The following PLEKHG2 variants were observed in gnomAD, a reference collection of about 807,000 sequenced individuals.
The protein encoded by PLEKHG2 is pleckstrin homology and RhoGEF domain containing G2.
PLEKHG2 carries 71 observed loss-of-function variants against 104.4 expected under a neutral mutation model. The ratio of observed to expected loss-of-function variants is 0.68; its 90% CI spans 0.56 to 0.83. The LOEUF is 0.83. Ranked by LOEUF, PLEKHG2 falls within the 40% of genes least tolerant of loss-of-function variation. The pLI, the probability that PLEKHG2 is intolerant of heterozygous loss-of-function variation, is 0.00. For synonymous variants in PLEKHG2, 728 were observed against 737.0 expected, an observed-to-expected ratio of 0.99 and a Z score of 0.20; for missense variants, 1,730 against 1,809.4, an observed-to-expected ratio of 0.96 and a Z score of 0.80.
chr19:39,418,234 A>G (rs1188077348), intron 9 of PLEKHG2, 129 bp downstream of exon 9: 1 of 817,704 alleles, frequency 1.2e-6, no homozygotes. Flanking sequence ...AATGGAAGCC[A>G]AGGGAAGCTT....
chr19:39,414,053 C>T lies in PLEKHG2; in HGVS notation c.-22-12C>T, dbSNP rs961962042. 1 of 1,532,438 alleles carries T rather than the reference C, an allele frequency of 6.5e-7. No individual in the cohort carries two copies. The highest frequency in any genetic ancestry group is 1.2e-5 in the South Asian group (1 of 83,558). The allele number at this position is 1,532,438 out of a possible 1,614,324, so 94.9% of individuals were successfully genotyped here. ...TGGGGTCCTGATATCCAAGAAGGGG[C>T]TCTTTCTGCAGGACTCTGCTGGGCC... On this transcript the variant is annotated splice_polypyrimidine_tract_variant and intron_variant, in intron 1 of 18. Coordinates refer to ENST00000425673, the MANE Select transcript of PLEKHG2 (RefSeq NM_022835.3).
intron 11 of PLEKHG2, 72 bp downstream of exon 11, chr19:39,419,075 C>A: frequency 1.5e-6 from 2 of 1,349,586 alleles, no homozygotes; most frequent in Non-Finnish European, 2.0e-6. Flanking sequence ...CTAAGAGACG[C>A]CCCTGCCCAA....
At position 39,423,519 on chromosome 19, in the gene PLEKHG2, G is replaced by A. The variant is rs147184413; in HGVS notation, c.2465G>A (p.Arg822Gln). ...RTASRVRELA[R>Q]LYSERIQQMQ... ...GCGTCCCGAGTGCGAGAGCTGGCCCGGCTTTACAGCGAGCGGATCCAGCAG... is the reference window on the plus strand; with the variant it reads ...GCGTCCCGAGTGCGAGAGCTGGCCCAGCTTTACAGCGAGCGGATCCAGCAG... The change falls in exon 18 of 19, where the codon CGG becomes CAG. Residue 822 changes from arginine (R) to glutamine (Q), a missense_variant. Transcript: ENST00000425673. 116 of 1,571,920 alleles carry A rather than the reference G, an allele frequency of 7.4e-5. 1 individual carries two copies. In the Middle Eastern group the frequency reaches 2.0e-3, roughly 28 times the overall value.
At position 39,415,363 on chromosome 19, in the gene PLEKHG2, G is replaced by C. The variant is rs147871368; in HGVS notation, c.403G>C (p.Gly135Arg). ...GGACTACCTGGGCCCTCTGCTGGAC[G>C]GCGGGGTCCTGGGGCTGAGCGTGGA... ...VEDYLGPLLD[G>R]GVLGLSVEQV... is the part of the protein sequence containing the mutation. Residue 135 changes from glycine to arginine, a missense_variant, in exon 4 of 19, where the codon GGC becomes CGC. Coordinates refer to ENST00000425673, the MANE Select transcript of PLEKHG2 (RefSeq NM_022835.3). The surrounding 1 kb of genome is among the most constrained non-coding windows in gnomAD (Gnocchi z 4.6). The C allele has an allele frequency of 5.6e-6, 9 of 1,614,162 alleles. No homozygotes were observed. The highest frequency in any genetic ancestry group is 5.0e-5 in the Admixed American group (3 of 60,022).
intron 11 of PLEKHG2, 81 bp downstream of exon 11, chr19:39,419,084 A>G: frequency 7.8e-7 from 1 of 1,276,300 alleles, no homozygotes; most frequent in Non-Finnish European, 1.1e-6. Context: ...GCCCCTGCCC[A>G]ATGCCAGAGC....
intron 16 of PLEKHG2, 89 bp from the exon 17 acceptor site, chr19:39,422,026 A>C: frequency 7.3e-7 from 1 of 1,370,908 alleles, no homozygotes; most frequent in Non-Finnish European, 9.7e-7. Flanking sequence ...CAAAACAAAC[A>C]AACGCAAAAG....
chr19:39,417,537 C>T lies in PLEKHG2; in HGVS notation c.745-18C>T, dbSNP rs199928152. 1.2e-6 allele frequency: 2 copies of T among 1,612,824 alleles called. No homozygotes were observed. The highest frequency in any genetic ancestry group is 2.2e-5 in the East Asian group (1 of 44,862). On this transcript the variant is annotated intron_variant, in intron 7 of 18. Transcript: ENST00000425673. ...TGTTTCTCTCCCCATCCCTGCGTGC[C>T]TGGTGGCTGCCTGACAGGAACTAGG...
intron 11 of PLEKHG2, among the ~76,000 whole-genome samples, chr19:39,420,391 G>T (rs1233834825): frequency 2.0e-5 from 3 of 151,980 alleles, no homozygotes. Context: ...TGGATGTGAT[G>T]GTGCACATAT....
Position 39,418,916 on chromosome 19 carries a change from G to A in PLEKHG2, c.1177-1G>A. 6.2e-7 allele frequency: 1 copy of A among 1,611,098 alleles called. No individual in the cohort carries two copies. On this transcript the variant is annotated splice_acceptor_variant, in intron 10 of 18. Transcript: ENST00000425673. LOFTEE classifies it high-confidence loss of function. ...CTGACTCTACTCCAACCCACTCCTA[G>A]GCCAAGAACCAAGAAGAGAAGAGGC...
chr19:39,425,106 C>A lies in PLEKHG2; in HGVS notation c.3973C>A (p.Pro1325Thr). 1 of 1,587,672 alleles carries A rather than the reference C, an allele frequency of 6.3e-7. No homozygotes were observed. The highest frequency in any genetic ancestry group is 8.6e-7 in the Non-Finnish European group (1 of 1,167,176). ...RASSPPPQPQPPPPPARRLSY... is the reference protein window; with the variant it reads ...RASSPPPQPQTPPPPARRLSY... ...ATCTTCGCCGCCCCCCCAGCCCCAG[C>A]CACCACCTCCCCCAGCCAGGCGGCT... is the stretch of plus-strand genomic sequence containing the variant. The change falls in exon 19 of 19, where the codon CCA becomes ACA. Residue 1325 changes from proline to threonine, a missense_variant. Transcript: ENST00000425673.
At position 39,415,343 on chromosome 19, in the gene PLEKHG2, A is replaced by C; in HGVS notation, c.383A>C (p.Tyr128Ser). ...TAACCCCAGTCATCCCAACAGGACT[A>C]CCTGGGCCCTCTGCTGGACGGCGGG... ...VRDLRSIVED[Y>S]LGPLLDGGVL... The change falls in exon 4 of 19, where the codon TAC becomes TCC. Residue 128 changes from tyrosine (Y) to serine (S), a missense_variant. By Grantham distance (144) the Tyr-to-Ser change is moderately radical (BLOSUM62 -2). Coordinates refer to ENST00000425673, the MANE Select transcript of PLEKHG2 (RefSeq NM_022835.3). This position sits in a 1 kb window ranked among gnomAD's most constrained non-coding sequence, Gnocchi z 4.6. 1.2e-6 allele frequency: 2 copies of C among 1,613,926 alleles called. No individual in the cohort carries two copies. The highest frequency in any genetic ancestry group is 1.7e-6 in the Non-Finnish European group (2 of 1,179,902).
Position 39,422,942 on chromosome 19 carries a change from C to CAAT in PLEKHG2, c.1888_1889insAAT (p.Pro630delinsGlnSer). 1 of 1,613,814 alleles carries CAAT rather than the reference C, an allele frequency of 6.2e-7. No homozygotes were observed. Among genetic ancestry groups the CAAT allele is most frequent in the South Asian group, 1.1e-5 (1 of 91,040 alleles). On this transcript the variant is annotated protein_altering_variant, in exon 18 of 19. Coordinates refer to ENST00000425673, the MANE Select transcript of PLEKHG2 (RefSeq NM_022835.3). ...CATTGCAGCTGAAATGCCCAGCATT[C>CAAT]CCTGCCTTACCAAAATTCCTGACGT...
At position 39,425,094 on chromosome 19, in the gene PLEKHG2, C is replaced by T; in HGVS notation, c.3961C>T (p.Pro1321Ser). The stretch of plus-strand genomic sequence containing the variant: ...CACGTCACGGGCATCTTCGCCGCCC[C>T]CCCAGCCCCAGCCACCACCTCCCCC... ...APTSRASSPP[P>S]QPQPPPPPAR... is the part of the protein sequence containing the mutation. The change falls in exon 19 of 19, where the codon CCC (proline) becomes TCC (serine). Residue 1321 changes from proline (P) to serine (S), a missense_variant. Physicochemically the swap from Pro to Ser is moderately conservative, Grantham distance 74 (BLOSUM62 -1). Coordinates refer to ENST00000425673, the MANE Select transcript of PLEKHG2 (RefSeq NM_022835.3). 1 of 1,587,908 alleles carries T rather than the reference C, an allele frequency of 6.3e-7. No homozygotes were observed. Among genetic ancestry groups the T allele is most frequent in the Non-Finnish European group, 8.6e-7 (1 of 1,167,156 alleles).
intron 7 of PLEKHG2, 48 bp downstream of exon 7, chr19:39,417,048 C>A: frequency 6.5e-7 from 1 of 1,535,262 alleles, no homozygotes; most frequent in East Asian, 2.3e-5. Flanking sequence ...AGGTCCTGTC[C>A]CTTGACCACC....
chr19:39,419,414 T>C (rs1305655184), intron 11 of PLEKHG2, among the ~76,000 whole-genome samples: 2 of 151,930 alleles, frequency 1.3e-5, no homozygotes, highest in South Asian at 2.1e-4. Context: ...TTGGGCAACA[T>C]AGTGAGACCC....
chr19:39,422,043 A>AT, intron 16 of PLEKHG2, 72 bp from the exon 17 acceptor site: 7 of 1,450,470 alleles, frequency 4.8e-6, no homozygotes, highest in Admixed American at 2.5e-5. Flanking sequence ...AAAGAAGGGG[A>AT]TTGGGACTTG....
At chr19:39,418,289 AAGG>A (rs1388306039) in intron 9 of PLEKHG2, among the ~76,000 whole-genome samples, 184 bp downstream of exon 9, 1 of 152,072 alleles carries the variant, frequency 6.6e-6, no homozygotes, top group Non-Finnish European at 1.5e-5. Context: ...TAAGAAAAAA[AAGG>A]AGAAGGCTGG....
rs552254568 is a variant in PLEKHG2 at position 39,414,447 on chromosome 19, T to G, written c.109+252T>G. Among the ~76,000 whole-genome samples, 8 of 152,146 alleles carry G rather than the reference T, an allele frequency of 5.3e-5. No homozygotes were observed. In the East Asian group the frequency reaches 1.3e-3, roughly 26 times the overall value. On this transcript the variant is annotated intron_variant, in intron 2 of 18. Transcript: ENST00000425673. ...TTCCTGGAGGTGGGAACATCTCAAC[T>G]GGGAAGTGGAAGATTAGGGGGAAGG...
At chr19:39,417,141 G>A (rs10402009) in intron 7 of PLEKHG2, 141 bp downstream of exon 7, 178,349 of 964,252 alleles carry the variant, frequency 0.18, 19,167 homozygotes, top group African/African-American at 0.39. Context: ...GAGCCACCGC[G>A]CACAGCCCTA....
Sources: allele counts gnomAD v4.1 joint callset (sites outside exome capture counted in the v4.1 genomes callset), GRCh38; gene constraint gnomAD v4.1.1; non-coding constraint Gnocchi (gnomAD v3.1); transcripts MANE v1.5; gene names NCBI Gene and HGNC (gene_info 2026-07-23, HGNC 2026-07-21).